STK38: variants seen among roughly 807,000 people sequenced by gnomAD.
The protein encoded by STK38 is serine/threonine-protein kinase 38.
A neutral mutation model predicts 59.0 loss-of-function variants in STK38; 26 were observed. That is an observed-to-expected ratio of 0.44 (90% CI 0.32 to 0.61). The LOEUF (loss-of-function observed/expected upper bound fraction) is 0.61. Among genes scored for constraint, STK38 ranks in the 20% least tolerant of loss-of-function variants. STK38 has a pLI of 0.04. For missense variants in STK38, 433 were observed against 566.0 expected, an observed-to-expected ratio of 0.76 and a Z score of 2.38; for synonymous variants, 175 against 176.6, an observed-to-expected ratio of 0.99 and a Z score of 0.07.
In STK38 at chr6:36,498,361, A is replaced by G; in HGVS notation, c.1076+2T>C. ...AGAAGGTGGAGGGATGTTCTCTAAT[A>G]CCTCAAAATTAGATCCTTGGCTTTC... On this transcript the variant is annotated splice_donor_variant, in intron 11 of 13. Transcript: ENST00000229812. LOFTEE classifies it high-confidence loss of function. The G allele has an allele frequency of 6.2e-7, 1 of 1,610,040 alleles. No homozygotes were observed. Among genetic ancestry groups the G allele is most frequent in the Non-Finnish European group, 8.5e-7 (1 of 1,179,028 alleles).
chr6:36,546,393 TG>T (rs1474936964), intron 1 of STK38, among the ~76,000 whole-genome samples: 1 of 152,138 alleles, frequency 6.6e-6, no homozygotes, highest in African/African-American at 2.4e-5. Flanking sequence ...AGGTGGTGGT[TG>T]TTTTATGTTT....
At chr6:36,544,642 G>T (rs1438340002) in intron 1 of STK38, among the ~76,000 whole-genome samples, 4 of 152,162 alleles carry the variant, frequency 2.6e-5, no homozygotes, top group African/African-American at 4.8e-5. Flanking sequence ...TCAGCACTTT[G>T]GGAGGGAGAG....
At chr6:36,511,177 T>C (rs1022956473) in intron 7 of STK38, among the ~76,000 whole-genome samples, 8 of 152,292 alleles carry the variant, frequency 5.3e-5, no homozygotes, top group South Asian at 4.1e-4. Context: ...GGCTTAAACA[T>C]ACAAATTTTC....
chr6:36,539,455 A>T (rs1252488757), intron 2 of STK38, among the ~76,000 whole-genome samples: 1 of 152,172 alleles, frequency 6.6e-6, no homozygotes, highest in African/African-American at 2.4e-5. Context: ...ATCAGTAATA[A>T]CAATAGCTGA....
rs143347452 is a variant in STK38, at chr6:36,527,567, C to T, written c.132-1925G>A. 5.2e-3 allele frequency among the ~76,000 whole-genome samples: 778 copies of T among 148,436 alleles called. 3 individuals are homozygous for T. Among genetic ancestry groups the T allele is most frequent in the African/African-American group, 0.018 (719 of 40,392 alleles). ...GACTCTGCCTCAAAGAAAAAAAAAA[C>T]CTTCAGACATCAAACTTTTGGAATA... is the stretch of plus-strand genomic sequence containing the variant. On this transcript the variant is annotated intron_variant, in intron 2 of 13. Transcript: ENST00000229812.
At position 36,520,170 on chromosome 6, in the gene STK38, T is replaced by A. The variant is rs185057709; in HGVS notation, c.390+1564A>T. Among the ~76,000 whole-genome samples, 1,141 of 152,308 alleles carry A rather than the reference T, an allele frequency of 7.5e-3. 11 individuals carry two copies. The highest frequency in any genetic ancestry group is 0.015 in the South Asian group (73 of 4,824). ...CTGGCTCATAATGAGATCTGTTAAG[T>A]TGAGGAGTTGAGTTCTCAGCTAAGG... On this transcript the variant is annotated intron_variant, in intron 5 of 13. Coordinates refer to ENST00000229812, the MANE Select transcript of STK38 (RefSeq NM_007271.4).
intron 2 of STK38, among the ~76,000 whole-genome samples, chr6:36,533,031 C>G (rs1335424822): frequency 1.3e-5 from 2 of 149,978 alleles, no homozygotes; most frequent in Non-Finnish European, 3.0e-5. Flanking sequence ...GCGCCACTGC[C>G]CTCCAGCCTG....
intron 6 of STK38, among the ~76,000 whole-genome samples, chr6:36,517,370 G>A (rs964947461): frequency 6.6e-6 from 1 of 152,140 alleles, no homozygotes; most frequent in Admixed American, 6.5e-5. Flanking sequence ...GGATGTTATA[G>A]CTTCAATGTT....
At chr6:36,500,067 T>C (rs756550051) in intron 9 of STK38, 77 bp from the exon 10 acceptor site, 10 of 1,079,630 alleles carry the variant, frequency 9.3e-6, no homozygotes, top group Admixed American at 1.7e-5. Context: ...AACCAAAGGC[T>C]ATGAGTAACA....
intron 7 of STK38, among the ~76,000 whole-genome samples, chr6:36,511,640 G>A (rs866354426): frequency 5.3e-5 from 8 of 152,014 alleles, no homozygotes; most frequent in Middle Eastern, 3.4e-3. Flanking sequence ...ACAGGCGTGA[G>A]CCACCACGCC....
chr6:36,544,737 T>G (rs943803622), intron 1 of STK38, among the ~76,000 whole-genome samples: 1 of 152,074 alleles, frequency 6.6e-6, no homozygotes, highest in Non-Finnish European at 1.5e-5. Context: ...CCAGGTGTGG[T>G]AGCACACACC....
chr6:36,529,032 T>A (rs1039700346), intron 2 of STK38, among the ~76,000 whole-genome samples: 5 of 152,094 alleles, frequency 3.3e-5, no homozygotes, highest in Non-Finnish European at 5.9e-5. Flanking sequence ...AGCCTATCCA[T>A]GATAACAATT....
At chr6:36,497,661 C>A in intron 12 of STK38, 119 bp downstream of exon 12, 1 of 780,440 alleles carries the variant, frequency 1.3e-6, no homozygotes, top group South Asian at 1.6e-5. Flanking sequence ...GGAAAAGACC[C>A]TAAATCTCTA....
chr6:36,527,208 ATATATGTATATATATATATATT>A (rs1777543188), intron 2 of STK38, among the ~76,000 whole-genome samples: 1 of 84,732 alleles, frequency 1.2e-5, no homozygotes, highest in Non-Finnish European at 2.2e-5. Context: ...AAAAAAAAAA[ATATATGTATATATATATATATT>A]TATATGTATA....
chr6:36,526,979 T>G (rs1777529540), intron 2 of STK38, among the ~76,000 whole-genome samples: 1 of 149,524 alleles, frequency 6.7e-6, no homozygotes, highest in Non-Finnish European at 1.5e-5. Context: ...GGATCATAAA[T>G]TCAGGAGTTC....
At position 36,495,834 on chromosome 6, in the gene STK38, C is replaced by T. The variant is rs754148134; in HGVS notation, c.1348G>A (p.Gly450Ser). 1 of 1,613,964 alleles carries T rather than the reference C, an allele frequency of 6.2e-7. No individual in the cohort carries two copies. The highest frequency in any genetic ancestry group is 8.5e-7 in the Non-Finnish European group (1 of 1,179,974). ...FINYTYKRFEGLTARGAIPSY... is the reference protein window; with the variant it reads ...FINYTYKRFESLTARGAIPSY... ...GGTATTGCCCCCCTTGCAGTCAGGC[C>T]CTCAAAGCGCTTGTACGTGTAATTG... The change falls in exon 14 of 14, where the codon GGC (glycine) becomes AGC (serine). Residue 450 changes from glycine (G) to serine (S), a missense_variant. Coordinates refer to ENST00000229812, the MANE Select transcript of STK38 (RefSeq NM_007271.4).
At chr6:36,545,467 A>C (rs1197664765) in intron 1 of STK38, among the ~76,000 whole-genome samples, 1 of 152,140 alleles carries the variant, frequency 6.6e-6, no homozygotes, top group Non-Finnish European at 1.5e-5. Context: ...CAAATTCTTA[A>C]GCAGAGTGTT....
chr6:36,512,652 T>C (rs1199023212), intron 7 of STK38, among the ~76,000 whole-genome samples: 1 of 151,988 alleles, frequency 6.6e-6, no homozygotes, highest in Non-Finnish European at 1.5e-5. Context: ...GATTAGATTA[T>C]AGGTAATCTT....
At chr6:36,510,754 A>T (rs2127472945) in intron 7 of STK38, among the ~76,000 whole-genome samples, 1 of 152,326 alleles carries the variant, frequency 6.6e-6, no homozygotes, top group East Asian at 1.9e-4. Flanking sequence ...CTCCTAAACC[A>T]CACATCACAG....
Sources: gnomAD v4.1 joint callset for allele counts (sites outside exome capture counted in the v4.1 genomes callset) on GRCh38, gnomAD v4.1.1 for gene constraint, MANE v1.5 for transcripts, NCBI Gene and HGNC (gene_info 2026-07-23, HGNC 2026-07-21) for gene names.